Variants in TANK observed in about 807,000 individuals in gnomAD.
The protein encoded by TANK is TRAF family member associated NFKB activator.
Under a neutral mutation model 43.6 loss-of-function variants are expected in TANK, and 15 were observed. The observed-to-expected ratio is 0.34, with a 90% CI of 0.23 to 0.53. The LOEUF (loss-of-function observed/expected upper bound fraction) is 0.53, where lower values mean the gene tolerates loss of function less well. Ranked by LOEUF, TANK falls within the 20% of genes least tolerant of loss-of-function variation. TANK has a pLI of 0.94. For synonymous variants in TANK, 162 were observed against 178.2 expected (o/e 0.91, Z 0.73); for missense variants, 417 against 498.6 (o/e 0.84, Z 1.56).
intron 2 of TANK, among the ~76,000 whole-genome samples, chr2:161,187,031 C>T (rs990446068): frequency 2.0e-5 from 3 of 152,064 alleles, no homozygotes; most frequent in African/African-American, 7.2e-5. Context: ...ATAACAGATG[C>T]TGGCAAAGAG....
chr2:161,224,559 A>C (rs1687514983), intron 5 of TANK, 72 bp from the exon 6 acceptor site: 1 of 602,748 alleles, frequency 1.7e-6, no homozygotes, highest in African/African-American at 1.9e-5. Context: ...AAATGGTACT[A>C]CATAAGTTTG....
At chr2:161,193,936 A>G (rs1686030034) in intron 2 of TANK, among the ~76,000 whole-genome samples, 1 of 152,208 alleles carries the variant, frequency 6.6e-6, no homozygotes, top group African/African-American at 2.4e-5. Flanking sequence ...TCCTTGCCAC[A>G]TCTTTTGGCT....
intron 4 of TANK, among the ~76,000 whole-genome samples, chr2:161,222,284 G>T (rs1290648102): frequency 2.6e-5 from 4 of 151,840 alleles, no homozygotes; most frequent in Non-Finnish European, 4.4e-5. Context: ...AGACAGTCTT[G>T]CTCTGTCGCC....
chr2:161,207,804 C>A, intron 4 of TANK: 1 of 985,350 alleles, frequency 1.0e-6, no homozygotes. Context: ...AAATCCATGT[C>A]TGTTGCAGTT....
intron 1 of TANK, among the ~76,000 whole-genome samples, chr2:161,173,237 T>C (rs1685030915): frequency 6.6e-6 from 1 of 152,142 alleles, no homozygotes; most frequent in Non-Finnish European, 1.5e-5. Context: ...CCATAGCTTA[T>C]CATGGCACCC....
intron 1 of TANK, chr2:161,140,085 T>G: frequency 3.9e-6 from 1 of 258,576 alleles, no homozygotes; most frequent in Non-Finnish European, 6.0e-6. Context: ...TTCTAGAACA[T>G]ATCACTGATA....
chr2:161,204,370 A>T (rs186046714), intron 3 of TANK, among the ~76,000 whole-genome samples: 9 of 152,318 alleles, frequency 5.9e-5, no homozygotes, highest in African/African-American at 2.2e-4. Flanking sequence ...ATACCTGAAA[A>T]TGTGAATATA....
chr2:161,161,566 C>T, intron 1 of TANK: 1 of 1,286,866 alleles, frequency 7.8e-7, no homozygotes, highest in South Asian at 1.6e-5. Flanking sequence ...CCACATCTTT[C>T]CTGTATGTGC....
At chr2:161,193,933 C>T (rs944690620) in intron 2 of TANK, among the ~76,000 whole-genome samples, 2 of 152,102 alleles carry the variant, frequency 1.3e-5, no homozygotes, top group African/African-American at 4.8e-5. Context: ...CAGTCCTTGC[C>T]ACATCTTTTG....
At chr2:161,195,812 G>A (rs1686121631) in intron 2 of TANK, among the ~76,000 whole-genome samples, 1 of 152,182 alleles carries the variant, frequency 6.6e-6, no homozygotes, top group South Asian at 2.1e-4. Context: ...CAGGCGCAGT[G>A]GCTCATACCT....
chr2:161,193,019 T>C (rs1274958949), intron 2 of TANK, among the ~76,000 whole-genome samples: 3 of 152,248 alleles, frequency 2.0e-5, no homozygotes, highest in African/African-American at 7.2e-5. Flanking sequence ...TTGTGATTTA[T>C]ACATCTCTTT....
intron 1 of TANK, among the ~76,000 whole-genome samples, chr2:161,175,063 A>C (rs1685117174): frequency 6.6e-6 from 1 of 152,114 alleles, no homozygotes; most frequent in African/African-American, 2.4e-5. Flanking sequence ...AAATAGATTA[A>C]CTTTCCTCTC....
intron 2 of TANK, among the ~76,000 whole-genome samples, chr2:161,184,557 TGAG>T (rs1035367154): frequency 2.0e-5 from 3 of 152,094 alleles, no homozygotes; most frequent in African/African-American, 7.2e-5. Context: ...GCAATCAAAA[TGAG>T]GACATAAATT....
intron 4 of TANK, among the ~76,000 whole-genome samples, chr2:161,211,362 A>G (rs1686879432): frequency 1.3e-5 from 2 of 152,174 alleles, no homozygotes; most frequent in Admixed American, 6.5e-5. Flanking sequence ...GGGCCCCTGT[A>G]GCTTCTCTCA....
At chr2:161,206,069 T>C (rs936682134) in intron 4 of TANK, among the ~76,000 whole-genome samples, 6 of 152,032 alleles carry the variant, frequency 3.9e-5, no homozygotes, top group South Asian at 2.1e-4. Context: ...ACCTCTAGAA[T>C]TGGGGAGAAA....
At chr2:161,204,952 G>T in intron 4 of TANK, 159 bp downstream of exon 4, 1 of 1,412,996 alleles carries the variant, frequency 7.1e-7, no homozygotes, top group Middle Eastern at 2.3e-4. Flanking sequence ...CTATTTTCAA[G>T]TAAAATAAAG....
rs556165311 is a variant in TANK, at chr2:161,220,351, C to T, written c.328-3564C>T. On this transcript the variant is annotated intron_variant, in intron 4 of 7. Transcript: ENST00000392749. ...GGCGCGGTGGCTCACGCCTGTAATC[C>T]CAGCACTTTCGGAGGCCGAGGTGGG... Among the ~76,000 whole-genome samples, 22 of 152,252 alleles carry T rather than the reference C, an allele frequency of 1.4e-4. No homozygotes were observed. The South Asian group carries it at 4.6e-3, about 32-fold the overall frequency.
chr2:161,231,026 G>A lies in TANK; in HGVS notation c.576G>A (p.Ala192=), dbSNP rs373189030. The A allele has an allele frequency of 1.4e-5, 22 of 1,613,922 alleles. No individual in the cohort carries two copies. Among genetic ancestry groups the A allele is most frequent in the Middle Eastern group, 1.6e-4 (1 of 6,084 alleles). The change falls in exon 7 of 8, where the codon GCG becomes GCA. Residue 192 remains alanine (A), a synonymous_variant. Transcript: ENST00000392749. ...CGGATAAAACAGATAAACAAGAAGC[G>A]CTGTTTAAGCCTCAGGCTAAAGATG... is the stretch of plus-strand genomic sequence containing the variant. ...QCTDKTDKQE[A]LFKPQAKDDI...
intron 7 of TANK, chr2:161,232,995 G>GT (rs1449185693): frequency 3.4e-6 from 3 of 879,374 alleles, no homozygotes; most frequent in Non-Finnish European, 4.9e-6. Context: ...CTTAAAATGA[G>GT]TTTTTTAAAA....
Sources: gnomAD v4.1 joint callset for allele counts (sites outside exome capture counted in the v4.1 genomes callset) on GRCh38, gnomAD v4.1.1 for gene constraint, MANE v1.5 for transcripts, NCBI Gene and HGNC (gene_info 2026-07-23, HGNC 2026-07-21) for gene names.